The following LRRC39 variants were observed in gnomAD, a reference collection of about 807,000 sequenced individuals.
LRRC39 encodes leucine rich repeat containing 39.
In LRRC39, 35 loss-of-function variants were observed where a neutral mutation model predicts 39.7. The observed-to-expected ratio is 0.88, with a 90% CI of 0.67 to 1.17. LRRC39 has a LOEUF of 1.17. Ranked by LOEUF, LRRC39 falls within the 50% of genes most tolerant of loss-of-function variation. The pLI is 0.00. For synonymous variants in LRRC39, 113 were observed against 134.1 expected (o/e 0.84, Z 1.09); for missense variants, 357 against 385.8 (o/e 0.93, Z 0.62).
At position 100,168,749 on chromosome 1, in the gene LRRC39, C is replaced by A. The variant is rs1659413076; in HGVS notation, c.-78-155G>T. 7.8e-6 allele frequency: 3 copies of A among 386,486 alleles called. No homozygotes were observed. The South Asian group carries it at 1.6e-4, about 21-fold the overall frequency. 23.9% of individuals were successfully genotyped at this position (386,486 alleles called of 1,614,324 possible). ...CATATTTAAAAACTCTCATAAAATA[C>A]TATAATATAGGTACTTTTATTGACT... On this transcript the variant is annotated intron_variant, in intron 2 of 9. Coordinates refer to ENST00000370137, the MANE Select transcript of LRRC39 (RefSeq NM_144620.4).
intron 8 of LRRC39, 113 bp downstream of exon 8, chr1:100,154,938 T>A (rs1021857795): frequency 1.1e-6 from 1 of 937,078 alleles, no homozygotes; most frequent in Non-Finnish European, 1.5e-6. Flanking sequence ...TTTTAAGATA[T>A]CCATTCACAT....
intron 3 of LRRC39, among the ~76,000 whole-genome samples, chr1:100,167,054 C>T (rs1315400830): frequency 6.6e-6 from 1 of 152,166 alleles, no homozygotes; most frequent in Non-Finnish European, 1.5e-5. Context: ...TTTATCTAAA[C>T]CAATCAGTCT....
At chr1:100,167,183 G>T (rs1659308110) in intron 3 of LRRC39, among the ~76,000 whole-genome samples, 1 of 152,070 alleles carries the variant, frequency 6.6e-6, no homozygotes, top group African/African-American at 2.4e-5. Flanking sequence ...TCTTAAAGAA[G>T]AAATAGAAAA....
rs769856378 is a variant in LRRC39 at position 100,155,158 on chromosome 1, T to C, written c.705A>G (p.Thr235=). ...TATTGCTGATTGTTTGAGGCAAGCA[T>C]GTTATTTCATTTCGTTGCAGCCATA... The part of the protein sequence containing the change: ...HTLWLQRNEI[T]CLPQTISNMK... The change falls in exon 8 of 10, where the codon ACA becomes ACG. Residue 235 remains threonine, a synonymous_variant. Coordinates refer to ENST00000370137, the MANE Select transcript of LRRC39 (RefSeq NM_144620.4). 1.3e-5 allele frequency: 21 copies of C among 1,609,878 alleles called. No individual in the cohort carries two copies. The Admixed American group carries it at 2.5e-4, about 19-fold the overall frequency.
intron 2 of LRRC39, among the ~76,000 whole-genome samples, chr1:100,173,045 C>T (rs184028531): frequency 6.7e-6 from 1 of 149,724 alleles, no homozygotes; most frequent in East Asian, 1.9e-4. Flanking sequence ...GAATCTGTCT[C>T]CAAAAAAAAT....
intron 5 of LRRC39, among the ~76,000 whole-genome samples, chr1:100,159,003 G>C (rs1462943005): frequency 1.3e-5 from 2 of 151,894 alleles, no homozygotes; most frequent in Non-Finnish European, 2.9e-5. Flanking sequence ...GAATAGCTGA[G>C]CCGACAATAT....
At chr1:100,179,584 A>T (rs1660165041), upstream of LRRC39, among the ~76,000 whole-genome samples, 1 of 151,694 alleles carries the variant, frequency 6.6e-6, no homozygotes, top group East Asian at 1.9e-4. Context: ...AAAATAAAAT[A>T]AAACTAGCCA....
rs538095377 is a variant in LRRC39 at position 100,154,565 on chromosome 1, GA to G, written c.812+485del. 7.4e-3 allele frequency among the ~76,000 whole-genome samples: 1,121 copies of G among 152,104 alleles called. 8 individuals carry two copies. The highest frequency in any genetic ancestry group is 0.026 in the African/African-American group (1,071 of 41,498). On this transcript the variant is annotated intron_variant, in intron 8 of 9. Transcript: ENST00000370137. ...GCTAAAAAATTACATAATACTGTGA[GA>G]AAAAAAGTCTTAAAAACTACATATT...
rs1658854421 is a variant in LRRC39, at chr1:100,161,253, T to A, written c.114-682A>T. On this transcript the variant is annotated intron_variant, in intron 3 of 9. Coordinates refer to ENST00000370137, the MANE Select transcript of LRRC39 (RefSeq NM_144620.4). ...ACTCCATACCCATGAGCAGTCACTC[T>A]CCATTCTTCCCTCTCATACCTCTTG... 2.6e-5 allele frequency among the ~76,000 whole-genome samples: 4 copies of A among 152,222 alleles called. No individual in the cohort carries two copies. In the South Asian group the frequency reaches 8.3e-4, roughly 32 times the overall value.
chr1:100,173,985 A>AATC (rs1659800891), intron 1 of LRRC39, among the ~76,000 whole-genome samples: 1 of 152,216 alleles, frequency 6.6e-6, no homozygotes, highest in South Asian at 2.1e-4. Context: ...AGAAAGACTC[A>AATC]ATCTGTAAAA....
In LRRC39 at chr1:100,171,669, G is replaced by GTT. The variant is rs747935103; in HGVS notation, c.-79+1660_-79+1661dup. Among the ~76,000 whole-genome samples the GTT allele has an allele frequency of 4.7e-4, 63 of 132,978 alleles. 1 individual carries two copies. The highest frequency in any genetic ancestry group is 1.5e-3 in the East Asian group (7 of 4,592). 87.2% of individuals were successfully genotyped at this position (132,978 alleles called of 152,430 possible). A position where few individuals can be genotyped will look rare whatever the true frequency, so the allele number is the denominator to read the frequency against. On this transcript the variant is annotated intron_variant, in intron 2 of 9. Coordinates refer to ENST00000370137, the MANE Select transcript of LRRC39 (RefSeq NM_144620.4). ...AGATGTGTACAACCATGCCTGGCTT[G>GTT]TTTTTTTTTTTTTTTGTAAAGACAG...
intron 3 of LRRC39, among the ~76,000 whole-genome samples, chr1:100,167,783 AT>A (rs1659346684): frequency 5.6e-5 from 4 of 70,894 alleles, no homozygotes; most frequent in African/African-American, 3.2e-4. Context: ...TTCAAAAATA[AT>A]AATAATAATA....
At chr1:100,168,658 ATAGCTAATATT>A in intron 2 of LRRC39, 64 bp from the exon 3 acceptor site, 1 of 607,030 alleles carries the variant, frequency 1.6e-6, no homozygotes, top group Non-Finnish European at 2.8e-6. Context: ...AATGATCATA[ATAGCTAATATT>A]TATAGAACAC....
At chr1:100,161,594 T>A (rs904194896) in intron 3 of LRRC39, among the ~76,000 whole-genome samples, 2 of 152,246 alleles carry the variant, frequency 1.3e-5, no homozygotes, top group African/African-American at 4.8e-5. Flanking sequence ...TTTTCATTTT[T>A]CTTGGGTATA....
chr1:100,148,951 CT>C lies in LRRC39; in HGVS notation c.*90del. The C allele has an allele frequency of 3.2e-6, 4 of 1,263,686 alleles. No homozygotes were observed. The highest frequency in any genetic ancestry group is 4.2e-6 in the Non-Finnish European group (4 of 946,364). The allele number at this position is 1,263,686 out of a possible 1,614,324, so 78.3% of individuals were successfully genotyped here. ...TAAAAAATGCTGTGGCCTCATTAAA[CT>C]TTGGTAATAGCTTTTCTTTTTACTT... On this transcript the variant is annotated 3_prime_UTR_variant, in exon 10 of 10. Coordinates refer to ENST00000370137, the MANE Select transcript of LRRC39 (RefSeq NM_144620.4).
chr1:100,156,390 G>T, intron 6 of LRRC39, 73 bp from the exon 7 acceptor site: 1 of 1,377,054 alleles, frequency 7.3e-7, no homozygotes, highest in Non-Finnish European at 9.8e-7. Flanking sequence ...CATTGGTAAA[G>T]GAGATATTTC....
intron 6 of LRRC39, 111 bp downstream of exon 6, chr1:100,158,120 C>G: frequency 8.4e-7 from 1 of 1,192,750 alleles, no homozygotes; most frequent in Non-Finnish European, 1.2e-6. Context: ...AATATTTTTT[C>G]TGAAATACAT....
intron 8 of LRRC39, 117 bp from the exon 9 acceptor site, chr1:100,152,641 A>C: frequency 9.4e-7 from 1 of 1,064,994 alleles, no homozygotes; most frequent in East Asian, 2.5e-5. Flanking sequence ...TGGTTTCAAT[A>C]ACTGAACGAC....
At chr1:100,156,409 G>A (rs1238030854) in intron 6 of LRRC39, 92 bp from the exon 7 acceptor site, 3 of 1,222,550 alleles carry the variant, frequency 2.5e-6, no homozygotes, top group Admixed American at 2.5e-5. Flanking sequence ...TCACATCCAG[G>A]AATATTCACA....
Sources: allele counts gnomAD v4.1 joint callset (sites outside exome capture counted in the v4.1 genomes callset), GRCh38; gene constraint gnomAD v4.1.1; transcripts MANE v1.5; gene names NCBI Gene and HGNC (gene_info 2026-07-23, HGNC 2026-07-21).